Variants in SLC7A8 observed in about 807,000 individuals in gnomAD.
SLC7A8 encodes solute carrier family 7 member 8, also known as large neutral amino acids transporter small subunit 2.
Under a neutral mutation model 51.2 loss-of-function variants are expected in SLC7A8, and 30 were observed. The ratio of observed to expected loss-of-function variants is 0.59; its 90% confidence interval spans 0.44 to 0.80. SLC7A8 has a LOEUF of 0.80. Ranked by LOEUF, SLC7A8 falls within the 30% of genes least tolerant of loss-of-function variation. The pLI, the probability that SLC7A8 is intolerant of heterozygous loss-of-function variation, is 0.00. For missense variants in SLC7A8, 612 were observed against 674.4 expected, an observed-to-expected ratio of 0.91 and a Z score of 1.03; for synonymous variants, 257 against 275.8, an observed-to-expected ratio of 0.93 and a Z score of 0.67.
At chr14:23,173,031 T>C (rs1014725032) in intron 1 of SLC7A8, among the ~76,000 whole-genome samples, 7 of 152,246 alleles carry the variant, frequency 4.6e-5, no homozygotes, top group African/African-American at 1.7e-4. Flanking sequence ...CTTAACCATT[T>C]TTAAGTCTAT....
chr14:23,131,591 A>C (rs2048634034), intron 7 of SLC7A8, 34 bp from the exon 8 acceptor site: 1 of 1,513,688 alleles, frequency 6.6e-7, no homozygotes, highest in African/African-American at 1.4e-5. Flanking sequence ...GCCTGGGATA[A>C]CCCAGGGACC....
At chr14:23,149,734 A>C (rs2048830140) in intron 3 of SLC7A8, among the ~76,000 whole-genome samples, 1 of 152,202 alleles carries the variant, frequency 6.6e-6, no homozygotes, top group Non-Finnish European at 1.5e-5. Context: ...CCCTAAATCA[A>C]TATACAGTCA....
intron 1 of SLC7A8, among the ~76,000 whole-genome samples, chr14:23,180,198 A>ATG (rs1877113724): frequency 6.6e-6 from 1 of 151,968 alleles, no homozygotes; most frequent in Non-Finnish European, 1.5e-5. Flanking sequence ...GAGCCACCGC[A>ATG]CCCGGCCCTT....
At chr14:23,167,216 G>A (rs1166223350) in intron 1 of SLC7A8, among the ~76,000 whole-genome samples, 6 of 152,170 alleles carry the variant, frequency 3.9e-5, no homozygotes, top group Non-Finnish European at 8.8e-5. Context: ...GAAGTGGTGT[G>A]TAGGAATGCA....
At chr14:23,169,187 A>G (rs893241618) in intron 1 of SLC7A8, among the ~76,000 whole-genome samples, 1 of 152,074 alleles carries the variant, frequency 6.6e-6, no homozygotes, top group African/African-American at 2.4e-5. Context: ...TATCTCTAAC[A>G]AAAAAATTTT....
rs200037350 is a variant in SLC7A8 at position 23,179,029 on chromosome 14, AT to A, written c.151+3734del. ...CTGGCTCAATTTTTCTCATAGTTCA[AT>A]TTTTTTTTACGGACACAATCTTTGA... On this transcript the variant is annotated intron_variant, in intron 1 of 10. Coordinates refer to ENST00000316902, the MANE Select transcript of SLC7A8 (RefSeq NM_012244.4). Among the ~76,000 whole-genome samples the A allele has an allele frequency of 5.3e-5, 8 of 149,760 alleles. 1 individual carries two copies. Among genetic ancestry groups the A allele is most frequent in the East Asian group, 1.9e-4 (1 of 5,158 alleles).
intron 3 of SLC7A8, among the ~76,000 whole-genome samples, chr14:23,152,400 G>C (rs747150591): frequency 3.3e-5 from 5 of 151,038 alleles, no homozygotes; most frequent in Non-Finnish European, 7.4e-5. Context: ...CAAAGTGCTG[G>C]GATTACAGGC....
At chr14:23,155,569 C>T (rs374991892) in intron 3 of SLC7A8, 25 of 1,104,160 alleles carry the variant, frequency 2.3e-5, no homozygotes, top group South Asian at 4.1e-5. Context: ...TGGCCTGGAT[C>T]GGGGAGAAGC....
Position 23,129,680 on chromosome 14 carries a change from C to T in SLC7A8, c.1233G>A (p.Trp411Ter). Residue 411 changes from tryptophan (W) to a stop codon, truncating the protein, a stop_gained, in exon 9 of 11, where the codon TGG (tryptophan) becomes TGA (stop). Coordinates refer to ENST00000316902, the MANE Select transcript of SLC7A8 (RefSeq NM_012244.4). LOFTEE classifies it high-confidence loss of function. ...VTVAGQIVLR[W>*]KKPDIPRPIK... ...TGGGGCGGGGGATATCAGGCTTCTTCCAGCGAAGGACTATCTGTCCAGCAA... is the reference window on the plus strand; with the variant it reads ...TGGGGCGGGGGATATCAGGCTTCTTTCAGCGAAGGACTATCTGTCCAGCAA... 1 of 1,614,162 alleles carries T rather than the reference C, an allele frequency of 6.2e-7. No homozygotes were observed. The highest frequency in any genetic ancestry group is 8.5e-7 in the Non-Finnish European group (1 of 1,180,038).
At chr14:23,133,132 T>C (rs542635118) in intron 7 of SLC7A8, among the ~76,000 whole-genome samples, 7 of 152,204 alleles carry the variant, frequency 4.6e-5, no homozygotes, top group East Asian at 3.9e-4. Context: ...TCTTGTGGGA[T>C]TGAGTTTAAA....
chr14:23,131,975 T>C (rs2048639122), intron 7 of SLC7A8, among the ~76,000 whole-genome samples: 1 of 151,554 alleles, frequency 6.6e-6, no homozygotes, highest in African/African-American at 2.4e-5. Flanking sequence ...CTGAACTGCA[T>C]ATGGAAAGCT....
intron 10 of SLC7A8, 93 bp downstream of exon 10, chr14:23,127,926 T>G (rs1232735934): frequency 1.8e-6 from 2 of 1,112,398 alleles, no homozygotes; most frequent in Admixed American, 4.5e-5. Flanking sequence ...TGAGCCTAGA[T>G]CTCCTGGCCC....
chr14:23,137,072 G>C (rs4982732), intron 7 of SLC7A8, among the ~76,000 whole-genome samples: 110,995 of 152,056 alleles, frequency 0.73, 41,280 homozygotes, highest in East Asian at 0.89. Flanking sequence ...CTGAGGGCAG[G>C]GGGTGCTTTC....
At chr14:23,177,939 C>A (rs140470865) in intron 1 of SLC7A8, among the ~76,000 whole-genome samples, 2 of 152,294 alleles carry the variant, frequency 1.3e-5, no homozygotes, top group African/African-American at 4.8e-5. Flanking sequence ...AAAGAAAATA[C>A]TCCTTTAGGA....
At chr14:23,151,432 A>G (rs8008980) in intron 3 of SLC7A8, among the ~76,000 whole-genome samples, 2,711 of 152,200 alleles carry the variant, frequency 0.018, 103 homozygotes, top group African/African-American at 0.062. Flanking sequence ...GAGGGTACAT[A>G]TTGTGGCTGT....
chr14:23,177,742 T>C (rs1349768963), intron 1 of SLC7A8, among the ~76,000 whole-genome samples: 1 of 152,220 alleles, frequency 6.6e-6, no homozygotes, highest in Admixed American at 6.5e-5. Flanking sequence ...GCTGGCCAGA[T>C]GCCCCTCAGG....
At chr14:23,164,423 G>C (rs1277341555) in intron 3 of SLC7A8, among the ~76,000 whole-genome samples, 1 of 152,150 alleles carries the variant, frequency 6.6e-6, no homozygotes, top group Non-Finnish European at 1.5e-5. Flanking sequence ...TGCCTCCCTG[G>C]GCAAGTCATT....
At chr14:23,154,326 C>T (rs1265385187) in intron 3 of SLC7A8, 4 of 1,000,222 alleles carry the variant, frequency 4.0e-6, no homozygotes, top group South Asian at 4.7e-5. Flanking sequence ...ACTCCCTCCC[C>T]TCCAGCTGGA....
chr14:23,182,695 A>G, intron 1 of SLC7A8, 69 bp downstream of exon 1: 1 of 1,461,704 alleles, frequency 6.8e-7, no homozygotes, highest in Admixed American at 2.4e-5. Flanking sequence ...ATGCTTTCGA[A>G]GGGTTAAGAT....
Sources: gnomAD v4.1 joint callset for allele counts (sites outside exome capture counted in the v4.1 genomes callset) on GRCh38, gnomAD v4.1.1 for gene constraint, MANE v1.5 for transcripts, NCBI Gene and HGNC (gene_info 2026-07-23, HGNC 2026-07-21) for gene names.